DMD: variants seen among roughly 807,000 people sequenced by gnomAD.
DMD encodes mutant dystrophin.
In DMD, 63 loss-of-function variants were observed where a neutral mutation model predicts 330.1. The ratio of observed to expected loss-of-function variants is 0.19; its 90% confidence interval spans 0.16 to 0.24. The LOEUF (loss-of-function observed/expected upper bound fraction) is 0.24, where lower values mean the gene tolerates loss of function less well. DMD is among the 10% of genes least tolerant of loss of function. DMD has a pLI of 1.00. For synonymous variants in DMD, 1,223 were observed against 959.8 expected (o/e 1.27, Z -5.07); for missense variants, 3,344 against 2,684.1 (o/e 1.25, Z -5.43).
chrX:31,753,799 A>G (rs1031578079), intron 51 of DMD, among the ~76,000 whole-genome samples: 2 of 112,070 alleles, frequency 1.8e-5, no homozygotes, highest in Non-Finnish European at 1.9e-5. Context: ...GGCTTGTATC[A>G]TAAGAATAAT....
At chrX:33,048,571 T>C (rs753042990) in intron 1 of DMD, among the ~76,000 whole-genome samples, 2 of 107,724 alleles carry the variant, frequency 1.9e-5, no homozygotes, top group Non-Finnish European at 3.8e-5. Flanking sequence ...CATGCACCTG[T>C]AGTCCTAGCT....
At chrX:31,605,024 A>G (rs2148246791) in intron 55 of DMD, among the ~76,000 whole-genome samples, 1 of 112,211 alleles carries the variant, frequency 8.9e-6, no homozygotes, top group South Asian at 3.7e-4. Flanking sequence ...GAAATGTTAT[A>G]CAGAAATGAG....
At chrX:31,358,928 C>G (rs2058798275) in intron 60 of DMD, among the ~76,000 whole-genome samples, 1 of 112,070 alleles carries the variant, frequency 8.9e-6, no homozygotes, top group Admixed American at 9.5e-5. Flanking sequence ...TCTTTCCCAA[C>G]TGCTTGTCCT....
rs1164444066 is a variant in DMD at position 32,554,823 on chromosome X, AGGGGGAGG to A, written c.1993-9497_1993-9490del. On this transcript the variant is annotated intron_variant, in intron 16 of 78. Transcript: ENST00000357033. ...CTGGGAGGGAGGGAGGGAGGGAGGG[AGGGGGAGG>A]GAGAGAGAGAGAGAGAGAGAGAGAG... Among the ~76,000 whole-genome samples, 21 of 4,362 alleles carry A rather than the reference AGGGGGAGG, an allele frequency of 4.8e-3. 1 individual carries two copies. Among genetic ancestry groups the A allele is most frequent in the African/African-American group, 0.02 (12 of 600 alleles). The allele number at this position is 4,362 out of a possible 115,157, so 3.8% of individuals were successfully genotyped here.
chrX:33,281,421 C>A (rs1222287548), intron 1 of DMD, among the ~76,000 whole-genome samples: 1 of 111,033 alleles, frequency 9.0e-6, no homozygotes, highest in Admixed American at 9.6e-5. Flanking sequence ...GTTGGCCAGG[C>A]TGGTCTTGAA....
chrX:31,326,735 G>A (rs1384207191), intron 61 of DMD, among the ~76,000 whole-genome samples: 3 of 111,588 alleles, frequency 2.7e-5, no homozygotes, highest in Non-Finnish European at 3.8e-5. Context: ...TGGGTTCAGT[G>A]CTCCTTCTCA....
intron 55 of DMD, among the ~76,000 whole-genome samples, chrX:31,542,181 C>T (rs1162700443): frequency 9.0e-6 from 1 of 111,596 alleles, no homozygotes; most frequent in Non-Finnish European, 1.9e-5. Context: ...ATGCAAAGGA[C>T]GCTATGGGGA....
At chrX:32,390,030 C>G (rs1294309860) in intron 31 of DMD, 41 bp downstream of exon 31, 1 of 1,055,761 alleles carries the variant, frequency 9.5e-7, no homozygotes, top group Non-Finnish European at 1.3e-6. Context: ...AGTATAATGC[C>G]CAACGAAAAC....
At chrX:31,172,321 T>C (rs1284129415) in intron 73 of DMD, 27 bp downstream of exon 73, 4 of 1,090,060 alleles carry the variant, frequency 3.7e-6, no homozygotes, top group Non-Finnish European at 3.8e-6. Context: ...GTCAGGAACA[T>C]TTTGTAAAAA....
intron 49 of DMD, among the ~76,000 whole-genome samples, chrX:31,821,601 G>A (rs762183285): frequency 8.9e-6 from 1 of 111,870 alleles, no homozygotes; most frequent in African/African-American, 3.2e-5. Context: ...GAAAACATAC[G>A]CTGGGTTGTC....
intron 2 of DMD, among the ~76,000 whole-genome samples, chrX:32,935,884 A>T (rs1157440185): frequency 4.5e-5 from 5 of 111,641 alleles, no homozygotes; most frequent in Admixed American, 3.8e-4. Context: ...TATTATGAAT[A>T]ATCCATAAAT....
intron 48 of DMD, among the ~76,000 whole-genome samples, chrX:31,867,111 C>G (rs866417505): frequency 1.2e-5 from 1 of 84,073 alleles, no homozygotes. Flanking sequence ...TATATATATA[C>G]GCACACACAA....
At chrX:31,848,079 CTTA>C (rs1412242588) in intron 48 of DMD, among the ~76,000 whole-genome samples, 2 of 111,359 alleles carry the variant, frequency 1.8e-5, no homozygotes, top group South Asian at 3.7e-4. Context: ...TGCATATATG[CTTA>C]TTATTTCTTT....
intron 2 of DMD, among the ~76,000 whole-genome samples, chrX:32,971,859 C>G (rs913565435): frequency 9.0e-6 from 1 of 110,953 alleles, no homozygotes; most frequent in Non-Finnish European, 1.9e-5. Flanking sequence ...AATATTAAAT[C>G]TACCTAAAAT....
At chrX:31,769,095 C>CA (rs1233555157) in intron 51 of DMD, among the ~76,000 whole-genome samples, 1 of 111,734 alleles carries the variant, frequency 8.9e-6, no homozygotes, top group African/African-American at 3.3e-5. Context: ...AGCTTTTCAC[C>CA]AAATATGTTT....
At chrX:31,224,654 TA>T (rs72377234) in intron 63 of DMD, among the ~76,000 whole-genome samples, 13,779 of 109,058 alleles carry the variant, frequency 0.13, 740 homozygotes, top group South Asian at 0.29. Flanking sequence ...TTGCACAGAA[TA>T]AAAAAAAATG....
At chrX:31,896,162 A>G (rs1217039649) in intron 47 of DMD, among the ~76,000 whole-genome samples, 3 of 112,130 alleles carry the variant, frequency 2.7e-5, no homozygotes. Flanking sequence ...TTTACAGTTC[A>G]TATGTGAAAG....
At chrX:33,030,120 C>A (rs1333403249) in intron 1 of DMD, among the ~76,000 whole-genome samples, 1 of 111,096 alleles carries the variant, frequency 9.0e-6, no homozygotes. Context: ...AAATGTGACA[C>A]ATGTATGACA....
chrX:31,226,177 C>T (rs1306105729), intron 63 of DMD, among the ~76,000 whole-genome samples: 2 of 112,017 alleles, frequency 1.8e-5, no homozygotes, highest in African/African-American at 6.5e-5. Flanking sequence ...CAATATTTTA[C>T]TAAGAGCCTC....
Sources: allele counts gnomAD v4.1 joint callset (sites outside exome capture counted in the v4.1 genomes callset), GRCh38; gene constraint gnomAD v4.1.1; transcripts MANE v1.5; gene names NCBI Gene and HGNC (gene_info 2026-07-23, HGNC 2026-07-21).